Variants in ST18 observed in about 807,000 individuals in gnomAD.
The protein encoded by ST18 is suppression of tumorigenicity 18 protein.
Under a neutral mutation model 110.0 loss-of-function variants are expected in ST18, and 50 were observed. That is an observed-to-expected ratio of 0.45 (90% CI 0.36 to 0.58). The LOEUF (loss-of-function observed/expected upper bound fraction) is 0.58. Ranked by LOEUF, ST18 falls within the 20% of genes least tolerant of loss-of-function variation. The probability of loss-of-function intolerance (pLI) is 0.00; values close to 1 mark genes in which losing one functional copy is unlikely to be tolerated. For missense variants in ST18, 1,306 were observed against 1,280.1 expected, an observed-to-expected ratio of 1.02 and a Z score of -0.31; for synonymous variants, 461 against 452.4, an observed-to-expected ratio of 1.02 and a Z score of -0.24.
intron 15 of ST18, among the ~76,000 whole-genome samples, chr8:52,156,612 T>C (rs1317836184): frequency 6.6e-6 from 1 of 152,240 alleles, no homozygotes; most frequent in Non-Finnish European, 1.5e-5. Context: ...CTTGGCTTTC[T>C]CTCACTTTTG....
At chr8:52,314,032 C>A (rs2095975782) in intron 2 of ST18, among the ~76,000 whole-genome samples, 1 of 152,184 alleles carries the variant, frequency 6.6e-6, no homozygotes, top group South Asian at 2.1e-4. Context: ...AGCTCTCAAG[C>A]CAAGGCCAGA....
intron 17 of ST18, among the ~76,000 whole-genome samples, chr8:52,140,551 A>C (rs1347978451): frequency 4.5e-5 from 1 of 22,440 alleles, no homozygotes; most frequent in African/African-American, 9.1e-5. Flanking sequence ...GATAGATGAT[A>C]GATAGATAGA....
chr8:52,145,056 T>C (rs943249080), intron 16 of ST18, among the ~76,000 whole-genome samples: 4 of 87,632 alleles, frequency 4.6e-5, no homozygotes, highest in African/African-American at 2.7e-4. Flanking sequence ...TAGATGCTGA[T>C]TTTTTTTTTT....
intron 2 of ST18, among the ~76,000 whole-genome samples, chr8:52,346,488 ACAAGGCCC>A (rs1817833892): frequency 6.6e-6 from 1 of 152,212 alleles, no homozygotes; most frequent in Admixed American, 6.5e-5. Context: ...TTTCCAGACC[ACAAGGCCC>A]CTAGTGGGCA....
intron 2 of ST18, among the ~76,000 whole-genome samples, chr8:52,338,982 G>A (rs1050813421): frequency 1.2e-4 from 19 of 152,104 alleles, no homozygotes; most frequent in South Asian, 2.1e-4. Context: ...GGCCTCAAGC[G>A]ACCCTCCCAC....
chr8:52,329,020 G>A (rs1186326216), intron 2 of ST18, among the ~76,000 whole-genome samples: 4 of 152,082 alleles, frequency 2.6e-5, no homozygotes, highest in Non-Finnish European at 5.9e-5. Context: ...TTTGTGCCCT[G>A]AGGATTCATT....
At position 52,132,053 on chromosome 8, in the gene ST18, G is replaced by A. The variant is rs781130397; in HGVS notation, c.2571C>T (p.Leu857=). Residue 857 remains leucine (L), a synonymous_variant, in exon 22 of 26, where the codon CTC becomes CTT. Transcript: ENST00000689386. ...QKENPLNGAS[L]SWKLNKQELP... ...GCTCTTGTTTGTTCAGTTTCCAGGA[G>A]AGGGAGGCTCCATTGAGAGGATTCT... The A allele has an allele frequency of 6.2e-7, 1 of 1,614,210 alleles. No individual in the cohort carries two copies.
intron 2 of ST18, among the ~76,000 whole-genome samples, chr8:52,280,210 GA>G (rs1377126783): frequency 6.6e-6 from 1 of 152,064 alleles, no homozygotes; most frequent in Non-Finnish European, 1.5e-5. Flanking sequence ...TAAGGTAAGA[GA>G]GGAAAAGAAA....
intron 2 of ST18, among the ~76,000 whole-genome samples, chr8:52,252,849 A>G (rs16917568): frequency 0.017 from 2,520 of 152,094 alleles, 61 homozygotes; most frequent in African/African-American, 0.058. Context: ...ATCTTGGGTT[A>G]CAGGCATACA....
At chr8:52,337,711 C>T (rs932869351) in intron 2 of ST18, among the ~76,000 whole-genome samples, 1 of 152,186 alleles carries the variant, frequency 6.6e-6, no homozygotes, top group Non-Finnish European at 1.5e-5. Context: ...ATAGAGTTGG[C>T]GTTTCTCAGG....
intron 2 of ST18, among the ~76,000 whole-genome samples, chr8:52,238,643 G>A (rs1043690097): frequency 6.6e-6 from 1 of 152,000 alleles, no homozygotes; most frequent in Non-Finnish European, 1.5e-5. Context: ...ACACACATGT[G>A]CACATACATA....
chr8:52,123,510 C>A (rs1400221739), intron 23 of ST18, among the ~76,000 whole-genome samples: 1 of 152,172 alleles, frequency 6.6e-6, no homozygotes, highest in African/African-American at 2.4e-5. Flanking sequence ...ATCCAGGTGG[C>A]CTTTTTCTCA....
At chr8:52,150,102 G>C (rs1274259406) in intron 15 of ST18, 125 bp from the exon 16 acceptor site, 3 of 1,332,790 alleles carry the variant, frequency 2.3e-6, no homozygotes, top group Admixed American at 4.9e-5. Flanking sequence ...TTTAAATCTA[G>C]CTTTCTGATT....
chr8:52,224,142 A>G (rs961942866), intron 3 of ST18, among the ~76,000 whole-genome samples: 1 of 152,190 alleles, frequency 6.6e-6, no homozygotes, highest in Non-Finnish European at 1.5e-5. Context: ...GAATGATAAG[A>G]AAAGTTCTTT....
At chr8:52,244,333 T>C (rs920423753) in intron 2 of ST18, among the ~76,000 whole-genome samples, 3 of 152,134 alleles carry the variant, frequency 2.0e-5, no homozygotes, top group East Asian at 1.9e-4. Context: ...AAAATAAATA[T>C]CAGTGGGATA....
rs182061134 is a variant in ST18, at chr8:52,160,585, T to C, written c.1594+790A>G. Among the ~76,000 whole-genome samples, 1,132 of 152,352 alleles carry C rather than the reference T, an allele frequency of 7.4e-3. 16 individuals are homozygous for C. The highest frequency in any genetic ancestry group is 0.038 in the Admixed American group (587 of 15,302). On this transcript the variant is annotated intron_variant, in intron 14 of 25. Transcript: ENST00000689386. ...ACTCAATGTGCACATTATTTAGCTC[T>C]TTCCTTTGTGGAAGTTAAGTGACCA...
chr8:52,345,310 C>T (rs989122689), intron 2 of ST18, among the ~76,000 whole-genome samples: 2 of 152,042 alleles, frequency 1.3e-5, no homozygotes, highest in South Asian at 4.1e-4. Flanking sequence ...CCTGATACCC[C>T]ACAGAAATGA....
chr8:52,214,146 C>T (rs1207938234), intron 7 of ST18, 57 bp downstream of exon 7: 26 of 1,531,652 alleles, frequency 1.7e-5, no homozygotes, highest in South Asian at 9.0e-5. Context: ...AGCACTGGAA[C>T]GCTCATATTT....
Position 52,237,871 on chromosome 8 carries a change from T to G in ST18, c.-464-7794A>C, listed in dbSNP as rs544126063. Among the ~76,000 whole-genome samples the G allele has an allele frequency of 1.2e-4, 19 of 152,114 alleles. 1 individual carries two copies. In the South Asian group the frequency reaches 3.9e-3, roughly 32 times the overall value. On this transcript the variant is annotated intron_variant, in intron 2 of 25. Coordinates refer to ENST00000689386, the MANE Select transcript of ST18 (RefSeq NM_001352837.2). ...ATAAAACACAATTACAGCTCAATAA[T>G]AAAAAGACAACCCAATCAAAAGTGG...
Sources: gnomAD v4.1 joint callset for allele counts (sites outside exome capture counted in the v4.1 genomes callset) on GRCh38, gnomAD v4.1.1 for gene constraint, MANE v1.5 for transcripts, NCBI Gene and HGNC (gene_info 2026-07-23, HGNC 2026-07-21) for gene names.